CLMP: variants seen among roughly 807,000 people sequenced by gnomAD.
CLMP encodes CXADR-like membrane protein.
A neutral mutation model predicts 45.2 loss-of-function variants in CLMP; 27 were observed. The ratio of observed to expected loss-of-function variants is 0.60; its 90% CI spans 0.44 to 0.82. The LOEUF is 0.82. CLMP is among the 40% of genes least tolerant of loss of function. The probability of loss-of-function intolerance (pLI) is 0.00; values close to 1 mark genes in which losing one functional copy is unlikely to be tolerated. For synonymous variants in CLMP, 167 were observed against 171.4 expected, an observed-to-expected ratio of 0.97 and a Z score of 0.20; for missense variants, 403 against 448.4, an observed-to-expected ratio of 0.90 and a Z score of 0.91.
intron 1 of CLMP, among the ~76,000 whole-genome samples, chr11:123,148,020 C>T (rs964189486): frequency 6.6e-6 from 1 of 152,118 alleles, no homozygotes; most frequent in Admixed American, 6.5e-5. Context: ...TTCACATCTT[C>T]GTTCTGCAGC....
chr11:123,098,797 C>G (rs1170713349), intron 1 of CLMP, among the ~76,000 whole-genome samples: 1 of 151,466 alleles, frequency 6.6e-6, no homozygotes, highest in South Asian at 2.1e-4. Context: ...ACCTCCGTCC[C>G]CCAGGTTCAA....
chr11:123,109,750 C>T (rs1860612669), intron 1 of CLMP, among the ~76,000 whole-genome samples: 2 of 152,104 alleles, frequency 1.3e-5, no homozygotes, highest in Admixed American at 1.3e-4. Flanking sequence ...ATTTATTGAC[C>T]ACCAGTATGA....
At chr11:123,102,708 T>A (rs1860471398) in intron 1 of CLMP, among the ~76,000 whole-genome samples, 1 of 48,080 alleles carries the variant, frequency 2.1e-5, no homozygotes, top group Admixed American at 2.0e-4. Context: ...CCCGAGTAGC[T>A]TTTTTTTTTT....
chr11:123,109,340 C>T (rs1014067626), intron 1 of CLMP, among the ~76,000 whole-genome samples: 3 of 152,076 alleles, frequency 2.0e-5, no homozygotes, highest in South Asian at 4.1e-4. Context: ...CATGTGAACC[C>T]GTGACTCAAA....
chr11:123,131,142 C>T (rs114369499), intron 1 of CLMP, among the ~76,000 whole-genome samples: 2,361 of 152,056 alleles, frequency 0.016, 58 homozygotes, highest in African/African-American at 0.053. Flanking sequence ...CGTGCCCAGC[C>T]GGATTTCAAA....
At chr11:123,146,946 G>A (rs956795355) in intron 1 of CLMP, among the ~76,000 whole-genome samples, 3 of 152,164 alleles carry the variant, frequency 2.0e-5, no homozygotes, top group Admixed American at 6.5e-5. Flanking sequence ...TTGATCCCTC[G>A]CTCTTCCTTT....
At chr11:123,138,947 C>A (rs762995186) in intron 1 of CLMP, among the ~76,000 whole-genome samples, 1 of 152,060 alleles carries the variant, frequency 6.6e-6, no homozygotes, top group Non-Finnish European at 1.5e-5. Flanking sequence ...TGAGCCACTG[C>A]GCCTGGACTC....
At chr11:123,078,097 ACT>A (rs1484575416) in intron 5 of CLMP, among the ~76,000 whole-genome samples, 16 of 151,482 alleles carry the variant, frequency 1.1e-4, no homozygotes, top group Non-Finnish European at 1.9e-4. Context: ...CAAGAGTGAA[ACT>A]CTGTCTCAAA....
intron 1 of CLMP, among the ~76,000 whole-genome samples, chr11:123,115,618 G>A (rs11605822): frequency 0.2 from 31,074 of 151,864 alleles, 3,291 homozygotes; most frequent in Admixed American, 0.28. Flanking sequence ...AGAAGTCTAG[G>A]TAGTGGTTAC....
intron 1 of CLMP, among the ~76,000 whole-genome samples, chr11:123,150,492 G>GAAA (rs1491309592): frequency 1.3e-4 from 9 of 66,720 alleles, no homozygotes; most frequent in Non-Finnish European, 2.5e-4. Context: ...AGGAAGGAAG[G>GAAA]AAGGAAGGAA....
chr11:123,113,920 A>G (rs562709467), intron 1 of CLMP, among the ~76,000 whole-genome samples: 1 of 152,114 alleles, frequency 6.6e-6, no homozygotes, highest in South Asian at 2.1e-4. Context: ...ACACACACAC[A>G]CAACTGCTTG....
intron 1 of CLMP, 36 bp downstream of exon 1, chr11:123,194,859 AGGGCTGCGTTTGCCCACG>A (rs989661428): frequency 2.5e-6 from 4 of 1,608,378 alleles, no homozygotes; most frequent in Non-Finnish European, 3.4e-6. Flanking sequence ...TCCCGGACGC[AGGGCTGCGTTTGCCCACG>A]GCCATCCAAA....
At chr11:123,100,004 A>G (rs1371555467) in intron 1 of CLMP, among the ~76,000 whole-genome samples, 3 of 152,206 alleles carry the variant, frequency 2.0e-5, no homozygotes, top group Non-Finnish European at 4.4e-5. Flanking sequence ...TGGATTTGCG[A>G]GGTAATGTGA....
intron 2 of CLMP, among the ~76,000 whole-genome samples, chr11:123,085,766 T>A (rs999126230): frequency 3.3e-4 from 47 of 142,772 alleles, no homozygotes; most frequent in African/African-American, 1.3e-3. Context: ...ACTAATTTTT[T>A]ATGTTTTTTT....
intron 2 of CLMP, among the ~76,000 whole-genome samples, chr11:123,092,995 C>T (rs1409408056): frequency 4.6e-5 from 7 of 150,906 alleles, no homozygotes; most frequent in African/African-American, 1.7e-4. Flanking sequence ...GCAACCTCCT[C>T]ATCCCAGGTT....
chr11:123,094,591 TCTCA>T (rs1442666337), intron 2 of CLMP, among the ~76,000 whole-genome samples: 2 of 152,274 alleles, frequency 1.3e-5, no homozygotes, highest in African/African-American at 4.8e-5. Context: ...AAATGGGAGT[TCTCA>T]CTCTGTTGCT....
rs1362380567 is a variant in CLMP, at chr11:123,084,504, T to C, written c.388+8A>G. On this transcript the variant is annotated splice_region_variant and intron_variant, in intron 3 of 6. Coordinates refer to ENST00000448775, the MANE Select transcript of CLMP (RefSeq NM_024769.5). ...GCTGTAGACATTCACTTTGGCATCC[T>C]ATCTTACCTAAGACTTTTAAGATGA... 1.2e-6 allele frequency: 2 copies of C among 1,611,058 alleles called. No homozygotes were observed. Among genetic ancestry groups the C allele is most frequent in the African/African-American group, 1.3e-5 (1 of 74,868 alleles).
chr11:123,181,400 C>A (rs59577304), intron 1 of CLMP, among the ~76,000 whole-genome samples: 1 of 152,156 alleles, frequency 6.6e-6, no homozygotes, highest in African/African-American at 2.4e-5. Flanking sequence ...CAATGCAATG[C>A]CCTCAAGCGA....
chr11:123,096,264 G>T (rs79401687), intron 2 of CLMP, among the ~76,000 whole-genome samples: 47,420 of 151,804 alleles, frequency 0.31, 9,223 homozygotes, highest in African/African-American at 0.56. Context: ...GGAGGCATGA[G>T]AATCGCTTGA....
Sources: allele counts gnomAD v4.1 joint callset (sites outside exome capture counted in the v4.1 genomes callset), GRCh38; gene constraint gnomAD v4.1.1; transcripts MANE v1.5; gene names NCBI Gene and HGNC (gene_info 2026-07-23, HGNC 2026-07-21).